LRPAP1: variants seen among roughly 807,000 people sequenced by gnomAD.
LRPAP1 encodes the protein alpha-2-macroglobulin receptor-associated protein.
LRPAP1 carries 41 observed loss-of-function variants against 39.9 expected under a neutral mutation model. That is an observed-to-expected ratio of 1.03 (90% CI 0.80 to 1.33). The LOEUF is 1.33. Among genes scored for constraint, LRPAP1 ranks in the 40% most tolerant of loss-of-function variants. The pLI is 0.00. For synonymous variants in LRPAP1, 263 were observed against 212.7 expected, an observed-to-expected ratio of 1.24 and a Z score of -2.06; for missense variants, 565 against 482.3, an observed-to-expected ratio of 1.17 and a Z score of -1.61.
intron 2 of LRPAP1, among the ~76,000 whole-genome samples, chr4:3,524,217 G>A (rs940017727): frequency 2.0e-5 from 3 of 152,164 alleles, no homozygotes; most frequent in Admixed American, 6.5e-5. Flanking sequence ...AGGAACAGTC[G>A]CAACTCTGTC....
Position 3,510,061 on chromosome 4 carries a change from C to A in LRPAP1, c.*2913G>T, listed in dbSNP as rs1327373943. 6.6e-6 allele frequency: 1 copy of A among 152,192 alleles called. No homozygotes were observed. Among genetic ancestry groups the A allele is most frequent in the African/African-American group, 2.4e-5 (1 of 41,450 alleles). The allele number at this position is 152,192 out of a possible 1,614,324, so 9.4% of individuals were successfully genotyped here. ...CAAGGACATAAACAGCCACAAGAAT[C>A]TTTAAAAAGAAGAGTTGGAAAATGC... On this transcript the variant is annotated 3_prime_UTR_variant, in exon 8 of 8. Coordinates refer to ENST00000650182, the MANE Select transcript of LRPAP1 (RefSeq NM_002337.4).
intron 7 of LRPAP1, 22 bp from the exon 8 acceptor site, chr4:3,513,058 C>T (rs775772249): frequency 1.3e-6 from 2 of 1,595,094 alleles, no homozygotes; most frequent in African/African-American, 1.3e-5. Flanking sequence ...AACGTCTCAT[C>T]AGCTGGGGAC....
chr4:3,521,345 C>A (rs1356207848), intron 2 of LRPAP1, among the ~76,000 whole-genome samples: 1 of 152,198 alleles, frequency 6.6e-6, no homozygotes, highest in African/African-American at 2.4e-5. Context: ...CCTCTTCACC[C>A]AGATGGTGAC....
chr4:3,531,852 G>A (rs1045939778), intron 1 of LRPAP1: 13 of 334,808 alleles, frequency 3.9e-5, no homozygotes, highest in Non-Finnish European at 4.4e-5. Context: ...AGGGAGATAA[G>A]GTTGAGGGAA....
intron 1 of LRPAP1, among the ~76,000 whole-genome samples, chr4:3,526,587 C>T (rs527953518): frequency 5.9e-5 from 9 of 152,368 alleles, no homozygotes; most frequent in East Asian, 1.9e-4. Flanking sequence ...GCCCACACTG[C>T]CTTGCAGCCC....
chr4:3,513,137 G>T, intron 7 of LRPAP1, 101 bp from the exon 8 acceptor site: 1 of 863,150 alleles, frequency 1.2e-6, no homozygotes, highest in East Asian at 2.7e-5. Flanking sequence ...AAAGGAAAAG[G>T]CGCAAGCCCT....
chr4:3,521,054 C>T (rs1451415966), intron 2 of LRPAP1, among the ~76,000 whole-genome samples: 1 of 152,214 alleles, frequency 6.6e-6, no homozygotes, highest in African/African-American at 2.4e-5. Flanking sequence ...TCCCCAGGCC[C>T]CAATTCCCAC....
chr4:3,531,959 G>A, intron 1 of LRPAP1: 1 of 560,454 alleles, frequency 1.8e-6, no homozygotes, highest in Admixed American at 3.3e-5. Context: ...GGGCGACACT[G>A]ACCCTCGGGG....
intron 2 of LRPAP1, among the ~76,000 whole-genome samples, chr4:3,520,931 A>G (rs1335437232): frequency 4.6e-5 from 7 of 152,158 alleles, no homozygotes; most frequent in Admixed American, 4.6e-4. Context: ...TGCCACCAAC[A>G]TGATATGAAA....
At chr4:3,515,667 C>T (rs1729669429) in intron 6 of LRPAP1, among the ~76,000 whole-genome samples, 1 of 152,152 alleles carries the variant, frequency 6.6e-6, no homozygotes, top group Non-Finnish European at 1.5e-5. Context: ...GATGAATTCT[C>T]CACCCTCAGA....
intron 6 of LRPAP1, 110 bp from the exon 7 acceptor site, chr4:3,515,038 G>C: frequency 7.9e-7 from 1 of 1,266,444 alleles, no homozygotes. Flanking sequence ...ACCCGGGGCA[G>C]GACAGGCCTT....
chr4:3,520,028 T>TA (rs397832685), intron 3 of LRPAP1, 44 bp downstream of exon 3: 5 of 1,559,760 alleles, frequency 3.2e-6, no homozygotes, highest in Non-Finnish European at 4.3e-6. Flanking sequence ...ACACTCAACG[T>TA]AACGGCACCA....
intron 1 of LRPAP1, among the ~76,000 whole-genome samples, chr4:3,528,325 A>G (rs918145476): frequency 6.6e-6 from 1 of 152,342 alleles, no homozygotes; most frequent in Admixed American, 6.5e-5. Flanking sequence ...CCCAGACACA[A>G]GCAGAGCCGA....
intron 1 of LRPAP1, among the ~76,000 whole-genome samples, chr4:3,528,774 C>T (rs533187949): frequency 2.6e-5 from 4 of 152,262 alleles, no homozygotes; most frequent in South Asian, 2.1e-4. Context: ...ACCTGAGCTC[C>T]GTGGACAAGG....
At chr4:3,523,305 G>A (rs913994465) in intron 2 of LRPAP1, among the ~76,000 whole-genome samples, 2 of 152,170 alleles carry the variant, frequency 1.3e-5, no homozygotes, top group African/African-American at 2.4e-5. Context: ...CTTGGGAATG[G>A]CCCACTAGAC....
intron 1 of LRPAP1, among the ~76,000 whole-genome samples, chr4:3,526,771 T>C (rs1018528127): frequency 6.6e-6 from 1 of 152,174 alleles, no homozygotes; most frequent in African/African-American, 2.4e-5. Flanking sequence ...GCTCAGTCTG[T>C]GTTGGGCCTG....
At position 3,518,016 on chromosome 4, in the gene LRPAP1, T is replaced by C; in HGVS notation, c.751+18A>G. On this transcript the variant is annotated intron_variant, in intron 5 of 7. Transcript: ENST00000650182. ...CGGCCCCACCCTCGGGAACCAACAG[T>C]CCCGGGCGGGCACTCACCAGCCTCA... The C allele has an allele frequency of 6.3e-7, 1 of 1,587,350 alleles. No individual in the cohort carries two copies.
intron 1 of LRPAP1, among the ~76,000 whole-genome samples, chr4:3,525,642 A>G (rs560498677): frequency 1.7e-3 from 261 of 152,220 alleles, no homozygotes; most frequent in Non-Finnish European, 3.1e-3. Flanking sequence ...CCACACAGGC[A>G]GCGCCCCGGA....
intron 1 of LRPAP1, among the ~76,000 whole-genome samples, chr4:3,530,681 G>A (rs1283954394): frequency 6.6e-6 from 1 of 152,200 alleles, no homozygotes; most frequent in Admixed American, 6.5e-5. Flanking sequence ...CAGCCCGAGG[G>A]TAGCTGGACC....
Sources: allele counts gnomAD v4.1 joint callset (sites outside exome capture counted in the v4.1 genomes callset), GRCh38; gene constraint gnomAD v4.1.1; transcripts MANE v1.5; gene names NCBI Gene and HGNC (gene_info 2026-07-23, HGNC 2026-07-21).